EBF1: variants seen among roughly 807,000 people sequenced by gnomAD.
EBF1 encodes transcription factor COE1.
A neutral mutation model predicts 68.4 loss-of-function variants in EBF1; 10 were observed. The observed-to-expected ratio is 0.15, with a 90% confidence interval of 0.09 to 0.25. EBF1 has a LOEUF of 0.25. EBF1 is among the 10% of genes least tolerant of loss of function. EBF1 has a pLI of 1.00. For missense variants in EBF1, 509 were observed against 794.4 expected, an observed-to-expected ratio of 0.64 and a Z score of 4.32; for synonymous variants, 298 against 299.8, an observed-to-expected ratio of 0.99 and a Z score of 0.06.
At chr5:158,740,762 T>G (rs978327641) in intron 10 of EBF1, among the ~76,000 whole-genome samples, 4 of 152,206 alleles carry the variant, frequency 2.6e-5, no homozygotes, top group Non-Finnish European at 4.4e-5. Context: ...CTAACCTAAA[T>G]GATTATTTTT....
chr5:158,798,128 A>G (rs1779911222), intron 8 of EBF1, among the ~76,000 whole-genome samples: 1 of 152,226 alleles, frequency 6.6e-6, no homozygotes, highest in Non-Finnish European at 1.5e-5. Context: ...AAATATATGC[A>G]GTTTGGAAAC....
intron 8 of EBF1, among the ~76,000 whole-genome samples, chr5:158,815,264 G>C (rs1313073723): frequency 6.6e-6 from 1 of 152,152 alleles, no homozygotes; most frequent in Non-Finnish European, 1.5e-5. Flanking sequence ...GTAGGGCTCA[G>C]GGAATGTTTA....
intron 6 of EBF1, among the ~76,000 whole-genome samples, chr5:158,943,764 C>T (rs1052960165): frequency 3.3e-5 from 5 of 152,112 alleles, no homozygotes; most frequent in Non-Finnish European, 5.9e-5. Flanking sequence ...GGGCAGGGGG[C>T]GCCAGGGACC....
chr5:159,043,556 G>A lies in EBF1; in HGVS notation c.554+29840C>T, dbSNP rs957999538. ...CACTACTCCAAACTTCAAGCCAGGAGAATTGGTATCACTGTCTTATTATTC... is the reference window on the plus strand; with the variant it reads ...CACTACTCCAAACTTCAAGCCAGGAAAATTGGTATCACTGTCTTATTATTC... On this transcript the variant is annotated intron_variant, in intron 6 of 15. Transcript: ENST00000313708. Among the ~76,000 whole-genome samples, 4 of 152,132 alleles carry A rather than the reference G, an allele frequency of 2.6e-5. No homozygotes were observed. In the East Asian group the frequency reaches 7.7e-4, roughly 29 times the overall value.
intron 6 of EBF1, among the ~76,000 whole-genome samples, chr5:158,902,621 C>T (rs1032714670): frequency 1.3e-4 from 18 of 138,506 alleles, no homozygotes; most frequent in South Asian, 4.3e-4. Flanking sequence ...TTATTATTAT[C>T]ATTATTATTA....
intron 6 of EBF1, among the ~76,000 whole-genome samples, chr5:158,961,434 A>G (rs1818165107): frequency 6.6e-6 from 1 of 152,238 alleles, no homozygotes; most frequent in African/African-American, 2.4e-5. Context: ...CAGAGTAAAT[A>G]ACTTATAGCC....
rs1755786507 is a variant in EBF1, at chr5:158,696,518, G to A, written c.*2593C>T. 1 of 224,796 alleles carries A rather than the reference G, an allele frequency of 4.4e-6. No homozygotes were observed. The highest frequency in any genetic ancestry group is 2.2e-5 in the African/African-American group (1 of 44,764). The allele number at this position is 224,796 out of a possible 1,614,324, so 13.9% of individuals were successfully genotyped here. ...TCAGAAACAGTTAAGGGGCTCACCA[G>A]ATAAAATATGGCTTTAACTTGTGTA... is the stretch of plus-strand genomic sequence containing the variant. On this transcript the variant is annotated 3_prime_UTR_variant, in exon 16 of 16. Transcript: ENST00000313708.
intron 6 of EBF1, among the ~76,000 whole-genome samples, chr5:159,058,982 A>G (rs1775290435): frequency 6.6e-6 from 1 of 152,198 alleles, no homozygotes; most frequent in African/African-American, 2.4e-5. Context: ...TCCTTGACAG[A>G]CATTCCAGGG....
chr5:158,743,982 C>G (rs966815539), intron 10 of EBF1, among the ~76,000 whole-genome samples: 3 of 152,006 alleles, frequency 2.0e-5, no homozygotes, highest in Non-Finnish European at 4.4e-5. Context: ...ACCAGCCTGG[C>G]TAACATGGTG....
chr5:158,986,869 C>T (rs1028048291), intron 6 of EBF1: 1 of 152,222 alleles, frequency 6.6e-6, no homozygotes, highest in South Asian at 2.1e-4. Context: ...ATGTGCACTT[C>T]CGCTAAAGAC....
At chr5:158,707,269 C>T (rs1478287866) in intron 15 of EBF1, among the ~76,000 whole-genome samples, 2 of 152,162 alleles carry the variant, frequency 1.3e-5, no homozygotes, top group African/African-American at 4.8e-5. Context: ...AAATGGTGTG[C>T]TCAGTTTTAA....
intron 10 of EBF1, among the ~76,000 whole-genome samples, chr5:158,762,152 C>G (rs969396684): frequency 6.6e-6 from 1 of 152,130 alleles, no homozygotes; most frequent in African/African-American, 2.4e-5. Context: ...GTCCTGAAAG[C>G]ACTTTTCTAT....
chr5:159,051,711 A>AG (rs1314434058), intron 6 of EBF1, among the ~76,000 whole-genome samples: 6 of 151,776 alleles, frequency 4.0e-5, no homozygotes, highest in Non-Finnish European at 5.9e-5. Context: ...GGCATTCAGA[A>AG]GGGGGGGCAA....
At chr5:158,812,275 A>G (rs1782814538) in intron 8 of EBF1, among the ~76,000 whole-genome samples, 1 of 152,226 alleles carries the variant, frequency 6.6e-6, no homozygotes, top group South Asian at 2.1e-4. Context: ...AACTAAACAG[A>G]GTAGCTGAAA....
chr5:159,004,347 A>T (rs1763137823), intron 6 of EBF1, among the ~76,000 whole-genome samples: 1 of 151,892 alleles, frequency 6.6e-6, no homozygotes, highest in Non-Finnish European at 1.5e-5. Flanking sequence ...CACTCTGACT[A>T]TATTAAGTCA....
chr5:158,785,794 A>G (rs183503711), intron 9 of EBF1, among the ~76,000 whole-genome samples: 30 of 152,316 alleles, frequency 2.0e-4, no homozygotes, highest in Non-Finnish European at 7.4e-5. Flanking sequence ...TTGAATAGTC[A>G]GTCATGTTAC....
At chr5:158,773,195 T>C (rs960462549) in intron 10 of EBF1, among the ~76,000 whole-genome samples, 3 of 151,786 alleles carry the variant, frequency 2.0e-5, no homozygotes, top group African/African-American at 7.3e-5. Flanking sequence ...ACGGAAAACT[T>C]AAAAGTCATA....
intron 4 of EBF1, among the ~76,000 whole-genome samples, chr5:159,090,720 T>C (rs144856664): frequency 6.6e-6 from 1 of 152,224 alleles, no homozygotes; most frequent in African/African-American, 2.4e-5. Context: ...TTTCTTTTTC[T>C]AGCACAAATA....
chr5:159,041,868 T>A (rs1489615973), intron 6 of EBF1, among the ~76,000 whole-genome samples: 1 of 152,210 alleles, frequency 6.6e-6, no homozygotes, highest in Admixed American at 6.5e-5. Context: ...GACACTGTCA[T>A]GTCCGTGTGT....
Sources: allele counts gnomAD v4.1 joint callset (sites outside exome capture counted in the v4.1 genomes callset), GRCh38; gene constraint gnomAD v4.1.1; transcripts MANE v1.5; gene names NCBI Gene and HGNC (gene_info 2026-07-23, HGNC 2026-07-21).